OXTR: variants seen among roughly 807,000 people sequenced by gnomAD.
OXTR encodes oxytocin receptor.
Under a neutral mutation model 23.9 loss-of-function variants are expected in OXTR, and 19 were observed. That is an observed-to-expected ratio of 0.80 (90% confidence interval 0.56 to 1.17). The LOEUF is 1.17. OXTR is among the 50% of genes most tolerant of loss of function. OXTR has a pLI of 0.00. For synonymous variants in OXTR, 278 were observed against 250.5 expected (o/e 1.11, Z -1.04); for missense variants, 500 against 550.7 (o/e 0.91, Z 0.92).
chr3:8,749,275 T>C (rs1559659111), downstream of OXTR, among the ~76,000 whole-genome samples: 1 of 152,102 alleles, frequency 6.6e-6, no homozygotes, highest in Non-Finnish European at 1.5e-5. Context: ...TGCGCCATAA[T>C]AAGACCCAAT....
At position 8,767,661 on chromosome 3, in the gene OXTR, G is replaced by A. The variant is rs1027825190; in HGVS notation, c.527C>T (p.Ser176Phe). 1 of 1,612,646 alleles carries A rather than the reference G, an allele frequency of 6.2e-7. No individual in the cohort carries two copies. The highest frequency in any genetic ancestry group is 8.5e-7 in the Non-Finnish European group (1 of 1,179,588). The change falls in exon 3 of 4, where the codon TCT becomes TTT. Residue 176 changes from serine to phenylalanine, a missense_variant. By Grantham distance (155) the Ser-to-Phe change is radical. Transcript: ENST00000316793. ...GACGCCGTCAGCCACCTCGCGCAGA[G>A]AGAAGATGTGCACCTGCGGCGCGCT... is the stretch of plus-strand genomic sequence containing the variant. Reference protein sequence around the residue: ...VASAPQVHIFSLREVADGVFD... With the variant: ...VASAPQVHIFFLREVADGVFD...
rs1372436781 is a variant in OXTR, at chr3:8,768,586, C to T, written c.-233G>A. On this transcript the variant is annotated 5_prime_UTR_variant, in exon 2 of 4. Transcript: ENST00000316793. The surrounding 1 kb of genome is among the most constrained non-coding windows in gnomAD (Gnocchi z 5.4). ...GCCAGTTCCTCGGGATGTTCAGCGG[C>T]TTCCACTGGGGGAGAAGGGAGGGTC... 1 of 173,700 alleles carries T rather than the reference C, an allele frequency of 5.8e-6. No individual in the cohort carries two copies. Among genetic ancestry groups the T allele is most frequent in the Non-Finnish European group, 1.2e-5 (1 of 82,904 alleles). The allele number at this position is 173,700 out of a possible 1,614,324, so 10.8% of individuals were successfully genotyped here.
Position 8,752,941 on chromosome 3 carries a change from G to A in OXTR, c.*36C>T, listed in dbSNP as rs199603132. ...CAGAGCACTTATGCCAGCACAGCCT[G>A]AGCCTCAGGCTGCAGCCCTGGCCCT... On this transcript the variant is annotated 3_prime_UTR_variant, in exon 4 of 4. Transcript: ENST00000316793. 117 of 1,589,404 alleles carry A rather than the reference G, an allele frequency of 7.4e-5. No homozygotes were observed. Among genetic ancestry groups the A allele is most frequent in the Non-Finnish European group, 9.5e-5 (111 of 1,167,084 alleles).
At chr3:8,745,630 C>T, downstream of OXTR, 1 of 1,614,144 alleles carries the variant, frequency 6.2e-7, no homozygotes, top group South Asian at 1.1e-5. The surrounding 1 kb of genome is among the most constrained non-coding windows in gnomAD (Gnocchi z 4.8). Flanking sequence ...ACTGGTGCTA[C>T]CGTCTGTTGT....
intron 3 of OXTR, 100 bp downstream of exon 3, chr3:8,767,166 C>A (rs1260133592): frequency 2.5e-6 from 3 of 1,203,460 alleles, no homozygotes; most frequent in South Asian, 1.8e-5. Flanking sequence ...CCGCTTATCC[C>A]CCAGGAAGTC....
downstream of OXTR, among the ~76,000 whole-genome samples, chr3:8,749,261 C>T (rs1708215810): frequency 6.6e-6 from 1 of 152,130 alleles, no homozygotes; most frequent in South Asian, 2.1e-4. Context: ...ATAAAACAGA[C>T]TCCTGCGCCA....
rs887558693 is a variant in OXTR at position 8,768,355 on chromosome 3, G to A, written c.-142-26C>T. 4.6e-6 allele frequency: 5 copies of A among 1,097,622 alleles called. No homozygotes were observed. The highest frequency in any genetic ancestry group is 5.7e-6 in the Non-Finnish European group (5 of 873,398). 68.0% of individuals were successfully genotyped at this position (1,097,622 alleles called of 1,614,324 possible). ...CTGAAACAAACCGGGAGGGCCGTGA[G>A]GAGACCGCCGCGTTTCTCTTCCGAC... On this transcript the variant is annotated intron_variant, in intron 2 of 3. Coordinates refer to ENST00000316793, the MANE Select transcript of OXTR (RefSeq NM_000916.4). This position sits in a 1 kb window ranked among gnomAD's most constrained non-coding sequence, Gnocchi z 5.4.
intron 3 of OXTR, among the ~76,000 whole-genome samples, chr3:8,755,280 G>T (rs555667974): frequency 6.5e-4 from 99 of 152,280 alleles, no homozygotes; most frequent in African/African-American, 2.3e-3. Flanking sequence ...AAAAATCAAC[G>T]TGCAAAAGTC....
intron 3 of OXTR, among the ~76,000 whole-genome samples, chr3:8,765,842 G>A (rs1708595234): frequency 6.6e-6 from 1 of 152,224 alleles, no homozygotes; most frequent in African/African-American, 2.4e-5. Context: ...AGGGGCCACA[G>A]GTGTTCGGTA....
At chr3:8,743,059 T>C in the OXTR span, among the ~76,000 whole-genome samples, 1 of 151,630 alleles carries the variant, frequency 6.6e-6, no homozygotes, top group Non-Finnish European at 1.5e-5. Flanking sequence ...TGCCGGGTTC[T>C]TTTAAACAAC....
chr3:8,742,737 TGGATGGATGGATGGATGAAA>T, the OXTR span: 1 of 282,402 alleles, frequency 3.5e-6, no homozygotes, highest in African/African-American at 2.3e-5. Flanking sequence ...TGTGGGTGGG[TGGATGGATGGATGGATGAAA>T]GGATGGATGG....
Position 8,768,211 on chromosome 3 carries a change from C to G in OXTR, c.-24G>C, listed in dbSNP as rs1419769357. 2 of 1,280,844 alleles carry G rather than the reference C, an allele frequency of 1.6e-6. No individual in the cohort carries two copies. The highest frequency in any genetic ancestry group is 2.0e-6 in the Non-Finnish European group (2 of 1,020,272). 79.3% of individuals were successfully genotyped at this position (1,280,844 alleles called of 1,614,324 possible). A position where few individuals can be genotyped will look rare whatever the true frequency, so the allele number is the denominator to read the frequency against. On this transcript the variant is annotated 5_prime_UTR_variant, in exon 3 of 4. Coordinates refer to ENST00000316793, the MANE Select transcript of OXTR (RefSeq NM_000916.4). This position sits in a 1 kb window ranked among gnomAD's most constrained non-coding sequence, Gnocchi z 5.4. Reference sequence around the variant, plus strand: ...ATGACCCTGGCGGCAGCGGTGCGCCCCGGCCTTCGAGCCCTTTACGGCTTG... The same window carrying G: ...ATGACCCTGGCGGCAGCGGTGCGCCGCGGCCTTCGAGCCCTTTACGGCTTG...
intron 3 of OXTR, among the ~76,000 whole-genome samples, chr3:8,763,617 G>C (rs942363922): frequency 2.6e-5 from 4 of 152,206 alleles, no homozygotes; most frequent in African/African-American, 9.6e-5. Context: ...CGAATCTTTG[G>C]CTTTGGAATT....
chr3:8,759,132 T>C (rs1708436093), intron 3 of OXTR, among the ~76,000 whole-genome samples: 1 of 152,178 alleles, frequency 6.6e-6, no homozygotes. Context: ...TCAAATCGTA[T>C]AGATAGGAAA....
In OXTR at chr3:8,751,330, G is replaced by A. The variant is rs34591312; in HGVS notation, c.*1647C>T. The A allele has an allele frequency of 6.6e-6, 1 of 152,074 alleles. No homozygotes were observed. The allele number at this position is 152,074 out of a possible 1,614,324, so 9.4% of individuals were successfully genotyped here. On this transcript the variant is annotated 3_prime_UTR_variant, in exon 4 of 4. Transcript: ENST00000316793. ...GCAAATATTTTCTCCCATTCTGCAG[G>A]TTATCTTTTCACCTTCTTGATAGGG...
chr3:8,765,072 A>G (rs572296601), intron 3 of OXTR, among the ~76,000 whole-genome samples: 21 of 152,148 alleles, frequency 1.4e-4, no homozygotes, highest in African/African-American at 4.8e-4. Context: ...GACCACAAAC[A>G]CTCAAGAGGC....
At chr3:8,754,014 G>T (rs565721271) in intron 3 of OXTR, among the ~76,000 whole-genome samples, 131 of 152,294 alleles carry the variant, frequency 8.6e-4, no homozygotes, top group African/African-American at 3.1e-3. Flanking sequence ...CAAAGGCGTG[G>T]CAGCGAGAAA....
chr3:8,762,210 C>A (rs1275145689), intron 3 of OXTR, among the ~76,000 whole-genome samples: 2 of 152,186 alleles, frequency 1.3e-5, no homozygotes, highest in Non-Finnish European at 2.9e-5. Context: ...CTCTTCCCCT[C>A]CTCACCCCTC....
At chr3:8,749,913 G>C (rs1252197033), downstream of OXTR, among the ~76,000 whole-genome samples, 1 of 152,160 alleles carries the variant, frequency 6.6e-6, no homozygotes, top group Non-Finnish European at 1.5e-5. Context: ...TGGATCTGTG[G>C]CCTTTGAGAG....
Sources: allele counts gnomAD v4.1 joint callset (sites outside exome capture counted in the v4.1 genomes callset), GRCh38; gene constraint gnomAD v4.1.1; non-coding constraint Gnocchi (gnomAD v3.1); transcripts MANE v1.5; gene names NCBI Gene and HGNC (gene_info 2026-07-23, HGNC 2026-07-21).